Variants in BFSP2 observed in about 807,000 individuals in gnomAD.
BFSP2 encodes beaded filament structural protein 2, also known as phakinin.
Under a neutral mutation model 44.9 loss-of-function variants are expected in BFSP2, and 38 were observed. The ratio of observed to expected loss-of-function variants is 0.85; its 90% confidence interval spans 0.65 to 1.11. BFSP2 has a LOEUF of 1.11. Ranked by LOEUF, BFSP2 falls within the 50% of genes least tolerant of loss-of-function variation. The pLI, the probability that BFSP2 is intolerant of heterozygous loss-of-function variation, is 0.00. For synonymous variants in BFSP2, 197 were observed against 209.9 expected (o/e 0.94, Z 0.53); for missense variants, 525 against 533.0 (o/e 0.99, Z 0.15).
Position 133,472,567 on chromosome 3 carries a change from T to A in BFSP2, c.1244+2T>A. The A allele has an allele frequency of 6.2e-7, 1 of 1,611,252 alleles. No homozygotes were observed. The highest frequency in any genetic ancestry group is 8.5e-7 in the Non-Finnish European group (1 of 1,179,634). On this transcript the variant is annotated splice_donor_variant, in intron 6 of 6. Transcript: ENST00000302334. LOFTEE classifies it high-confidence loss of function. ...CCTGCTGGACAGGGAGGAGAGCGGGTAAGCCTCGCTTCCGCGTCAATTATC... is the reference window on the plus strand; with the variant it reads ...CCTGCTGGACAGGGAGGAGAGCGGGAAAGCCTCGCTTCCGCGTCAATTATC...
rs1002707908 is a variant in BFSP2, at chr3:133,431,585, C to T, written c.490-15732C>T. 1.1e-4 allele frequency among the ~76,000 whole-genome samples: 17 copies of T among 152,158 alleles called. 1 individual carries two copies. Among genetic ancestry groups the T allele is most frequent in the South Asian group, 8.3e-4 (4 of 4,822 alleles). On this transcript the variant is annotated intron_variant, in intron 1 of 6. Transcript: ENST00000302334. Reference sequence around the variant, plus strand: ...TCTGACTGACTCCTTCTTGGCTTAGCGGCTGAAGACTGATGCTGCCCGATC... The same window carrying T: ...TCTGACTGACTCCTTCTTGGCTTAGTGGCTGAAGACTGATGCTGCCCGATC...
rs1576573067 is a variant in BFSP2, at chr3:133,429,987, T to C, written c.490-17330T>C. ...GTTCTCATTGTTCAATTCCCACCTA[T>C]GAGTGAGAACATGCGGTGTTTGGTT... On this transcript the variant is annotated intron_variant, in intron 1 of 6. Coordinates refer to ENST00000302334, the MANE Select transcript of BFSP2 (RefSeq NM_003571.4). Among the ~76,000 whole-genome samples, 3 of 150,738 alleles carry C rather than the reference T, an allele frequency of 2.0e-5. No individual in the cohort carries two copies. In the South Asian group the frequency reaches 6.2e-4, roughly 31 times the overall value.
At chr3:133,422,288 T>C (rs2073600463) in intron 1 of BFSP2, among the ~76,000 whole-genome samples, 1 of 152,096 alleles carries the variant, frequency 6.6e-6, no homozygotes. Context: ...GCCTCAGTTT[T>C]CTTAACTGTT....
rs2107908414 is a variant in BFSP2, at chr3:133,433,920, A to C, written c.490-13397A>C. Among the ~76,000 whole-genome samples, 2 of 152,334 alleles carry C rather than the reference A, an allele frequency of 1.3e-5. 1 individual carries two copies. Among genetic ancestry groups the C allele is most frequent in the African/African-American group, 4.8e-5 (2 of 41,594 alleles). Reference sequence around the variant, plus strand: ...TAGACGCTCCTTTTTATTAGGCCCCAGTCTCTTTCCAGACACCAGACCAAC... The same window carrying C: ...TAGACGCTCCTTTTTATTAGGCCCCCGTCTCTTTCCAGACACCAGACCAAC... On this transcript the variant is annotated intron_variant, in intron 1 of 6. Transcript: ENST00000302334.
At chr3:133,416,693 GACCCCTCTACTCTCCCCA>G (rs2073534958) in intron 1 of BFSP2, among the ~76,000 whole-genome samples, 1 of 34,710 alleles carries the variant, frequency 2.9e-5, no homozygotes. Context: ...CCCCTCTACT[GACCCCTCTACTCTCCCCA>G]TCCTCTCCCC....
At chr3:133,474,922 C>T (rs751858354) in intron 6 of BFSP2, 47 bp from the exon 7 acceptor site, 37 of 1,612,144 alleles carry the variant, frequency 2.3e-5, no homozygotes, top group Non-Finnish European at 2.7e-5. Context: ...ATAGAATGAC[C>T]GATTTTCCTC....
At chr3:133,402,800 C>T (rs1410976836) in intron 1 of BFSP2, among the ~76,000 whole-genome samples, 1 of 151,898 alleles carries the variant, frequency 6.6e-6, no homozygotes, top group African/African-American at 2.4e-5. Flanking sequence ...GCCACCACGC[C>T]CAGCTAATTT....
At chr3:133,408,680 G>A (rs890559985) in intron 1 of BFSP2, among the ~76,000 whole-genome samples, 6 of 152,138 alleles carry the variant, frequency 3.9e-5, no homozygotes, top group Admixed American at 6.5e-5. Context: ...ACAAGAAATC[G>A]CTCTATAGCT....
chr3:133,425,116 G>A (rs1212528689), intron 1 of BFSP2, among the ~76,000 whole-genome samples: 1 of 152,170 alleles, frequency 6.6e-6, no homozygotes. Context: ...CAGTCTCTCA[G>A]TATGACATTG....
Position 133,450,262 on chromosome 3 carries a change from TC to T in BFSP2, c.730-35del, listed in dbSNP as rs769687076. 7 of 1,610,348 alleles carry T rather than the reference TC, an allele frequency of 4.3e-6. No individual in the cohort carries two copies. The East Asian group carries it at 8.9e-5, about 21-fold the overall frequency. The stretch of plus-strand genomic sequence containing the variant: ...TGGCTAGAATTCTATGCCATTTATT[TC>T]CCCCCGTAACTCATCTAAGATGTAT... On this transcript the variant is annotated intron_variant, in intron 3 of 6. Coordinates refer to ENST00000302334, the MANE Select transcript of BFSP2 (RefSeq NM_003571.4).
rs529349954 is a variant in BFSP2, at chr3:133,448,352, C to T, written c.573-137C>T. On this transcript the variant is annotated intron_variant, in intron 2 of 6. Transcript: ENST00000302334. ...TGTGTGACAACTGCACTAACAGTGC[C>T]CTCAAATCTATTGAAACAGTGACTT... is the stretch of plus-strand genomic sequence containing the variant. The T allele has an allele frequency of 1.8e-5, 20 of 1,114,428 alleles. No individual in the cohort carries two copies. In the East Asian group the frequency reaches 5.1e-4, roughly 29 times the overall value. The allele number at this position is 1,114,428 out of a possible 1,614,324, so 69.0% of individuals were successfully genotyped here.
At chr3:133,409,227 G>GGTGTGTGTGTGTGTGTGTGT (rs56156448) in intron 1 of BFSP2, among the ~76,000 whole-genome samples, 24 of 148,604 alleles carry the variant, frequency 1.6e-4, no homozygotes, top group African/African-American at 5.5e-4. Flanking sequence ...TTCTGACACT[G>GGTGTGTGTGTGTGTGTGTGT]GTGTGTGTGT....
chr3:133,417,638 AC>A (rs2073552537), intron 1 of BFSP2, among the ~76,000 whole-genome samples: 1 of 99,692 alleles, frequency 1.0e-5, no homozygotes, highest in Non-Finnish European at 2.0e-5. Flanking sequence ...CCGTCTACTC[AC>A]CCTTGTCCTC....
intron 1 of BFSP2, among the ~76,000 whole-genome samples, chr3:133,414,018 C>G (rs569165333): frequency 6.6e-5 from 10 of 151,538 alleles, no homozygotes; most frequent in Admixed American, 4.6e-4. Flanking sequence ...TGTCCGCTCC[C>G]GTCTACTCAC....
At position 133,450,326 on chromosome 3, in the gene BFSP2, G is replaced by T; in HGVS notation, c.753G>T (p.Gln251His). 6.2e-7 allele frequency: 1 copy of T among 1,614,224 alleles called. No homozygotes were observed. The highest frequency in any genetic ancestry group is 8.5e-7 in the Non-Finnish European group (1 of 1,180,028). Residue 251 changes from glutamine (Q) to histidine (H), a missense_variant, in exon 4 of 7, where the codon CAG becomes CAT. Physicochemically the swap from Gln to His is conservative, Grantham distance 24. Coordinates refer to ENST00000302334, the MANE Select transcript of BFSP2 (RefSeq NM_003571.4). ...YEEDVKLLHK[Q>H]LAGCELEQMD... is the part of the protein sequence containing the mutation. Reference sequence around the variant, plus strand: ...AGGATGTGAAGCTGCTGCACAAACAGTTGGCAGGGTGTGAGCTGGAACAAA... The same window carrying T: ...AGGATGTGAAGCTGCTGCACAAACATTTGGCAGGGTGTGAGCTGGAACAAA...
chr3:133,474,804 G>A (rs1457404412), intron 6 of BFSP2, among the ~76,000 whole-genome samples, 165 bp from the exon 7 acceptor site: 3 of 152,114 alleles, frequency 2.0e-5, no homozygotes, highest in Non-Finnish European at 4.4e-5. Context: ...CATGGCCCAA[G>A]GTCTCACAGC....
At chr3:133,431,468 T>C (rs981651497) in intron 1 of BFSP2, among the ~76,000 whole-genome samples, 4 of 152,142 alleles carry the variant, frequency 2.6e-5, no homozygotes, top group Admixed American at 6.5e-5. Flanking sequence ...TCCTAAGCCG[T>C]GTCCCATCTG....
chr3:133,409,528 T>C (rs1366017486), intron 1 of BFSP2, among the ~76,000 whole-genome samples: 1 of 152,180 alleles, frequency 6.6e-6, no homozygotes, highest in East Asian at 1.9e-4. Flanking sequence ...TTTGGGTCTC[T>C]AACAACCATC....
intron 2 of BFSP2, among the ~76,000 whole-genome samples, chr3:133,447,831 G>A (rs1435253042): frequency 1.3e-5 from 2 of 152,146 alleles, no homozygotes; most frequent in Non-Finnish European, 2.9e-5. Flanking sequence ...TCTCCAACCT[G>A]GGCATATCAG....
Sources: gnomAD v4.1 joint callset for allele counts (sites outside exome capture counted in the v4.1 genomes callset) on GRCh38, gnomAD v4.1.1 for gene constraint, MANE v1.5 for transcripts, NCBI Gene and HGNC (gene_info 2026-07-23, HGNC 2026-07-21) for gene names.